Variants in PLCXD3 observed in about 807,000 individuals in gnomAD.
PLCXD3 encodes the protein PI-PLC X domain-containing protein 3.
A neutral mutation model predicts 25.5 loss-of-function variants in PLCXD3; 19 were observed. The ratio of observed to expected loss-of-function variants is 0.75; its 90% CI spans 0.52 to 1.09. The LOEUF (loss-of-function observed/expected upper bound fraction) is 1.09, where lower values mean the gene tolerates loss of function less well. Among genes scored for constraint, PLCXD3 ranks in the 50% least tolerant of loss-of-function variants. The probability of loss-of-function intolerance (pLI) is 0.00; values close to 1 mark genes in which losing one functional copy is unlikely to be tolerated. For synonymous variants in PLCXD3, 174 were observed against 137.6 expected (o/e 1.26, Z -1.85); for missense variants, 411 against 388.1 (o/e 1.06, Z -0.50).
chr5:41,383,131 A>T (rs1230786798), intron 1 of PLCXD3, among the ~76,000 whole-genome samples: 2 of 152,130 alleles, frequency 1.3e-5, no homozygotes, highest in African/African-American at 2.4e-5. Context: ...TGTTTGGGCA[A>T]TTGTAAACTT....
intron 2 of PLCXD3, among the ~76,000 whole-genome samples, chr5:41,337,537 C>G (rs75422087): frequency 0.044 from 6,633 of 152,134 alleles, 173 homozygotes; most frequent in Non-Finnish European, 0.062. Context: ...TTTTTAAAAG[C>G]CAAATTCAGA....
rs556459332 is a variant in PLCXD3, at chr5:41,310,815, C to T, written c.*2802G>A. 2 of 152,694 alleles carry T rather than the reference C, an allele frequency of 1.3e-5. No individual in the cohort carries two copies. The highest frequency in any genetic ancestry group is 6.5e-5 in the Admixed American group (1 of 15,292). The allele number at this position is 152,694 out of a possible 1,614,324, so 9.5% of individuals were successfully genotyped here. A position where few individuals can be genotyped will look rare whatever the true frequency, so the allele number is the denominator to read the frequency against. ...TTACTCTAAGTGCCTGCTACATAGG[C>T]ACTGTATGTCCACATGGAAACCATA... is the stretch of plus-strand genomic sequence containing the variant. On this transcript the variant is annotated 3_prime_UTR_variant, in exon 3 of 3. Transcript: ENST00000377801.
chr5:41,482,890 C>A (rs1448875996), intron 1 of PLCXD3, among the ~76,000 whole-genome samples: 1 of 152,176 alleles, frequency 6.6e-6, no homozygotes, highest in Non-Finnish European at 1.5e-5. Context: ...ACTTTTTCAT[C>A]TTGTAAAACT....
In PLCXD3 at chr5:41,308,050, T is replaced by C. The variant is rs1743044003; in HGVS notation, c.*5567A>G. On this transcript the variant is annotated 3_prime_UTR_variant, in exon 3 of 3. Transcript: ENST00000377801. ...ATTATCCCATCTGTATTTGAGTTCG[T>C]CCTTCAAAAAGCATTTGCAGGACCT... The C allele has an allele frequency of 6.6e-6, 1 of 152,122 alleles. No homozygotes were observed. Among genetic ancestry groups the C allele is most frequent in the Non-Finnish European group, 1.5e-5 (1 of 68,014 alleles). The allele number at this position is 152,122 out of a possible 1,614,324, so 9.4% of individuals were successfully genotyped here.
chr5:41,354,812 T>C (rs994907761), intron 2 of PLCXD3, among the ~76,000 whole-genome samples: 6 of 152,206 alleles, frequency 3.9e-5, no homozygotes, highest in Admixed American at 3.3e-4. Flanking sequence ...CTGCATAAAA[T>C]TCTTCAAATC....
rs182360912 is a variant in PLCXD3 at position 41,382,345 on chromosome 5, C to T, written c.293G>A (p.Arg98Gln). Reference protein sequence around the residue: ...LGAGIRYFDLRISTKPRDPDN... With the variant: ...LGAGIRYFDLQISTKPRDPDN... ...GGGGTCTCTGGGCTTGGTGGAAATT[C>T]GAAGATCAAAATAACGAATTCCAGC... Residue 98 changes from arginine (R) to glutamine (Q), a missense_variant, in exon 2 of 3, where the codon CGA (arginine) becomes CAA (glutamine). Physicochemically the swap from Arg to Gln is conservative, Grantham distance 43. Coordinates refer to ENST00000377801, the MANE Select transcript of PLCXD3 (RefSeq NM_001005473.3). 1.5e-5 allele frequency: 25 copies of T among 1,613,336 alleles called. No homozygotes were observed. In the Admixed American group the frequency reaches 2.3e-4, roughly 15 times the overall value.
rs141936447 is a variant in PLCXD3 at position 41,457,487 on chromosome 5, G to A, written c.103+52937C>T. On this transcript the variant is annotated intron_variant, in intron 1 of 2. Transcript: ENST00000377801. ...CCTCTCAGATGATTGGAACCCAGGA[G>A]TACACCCTTCCCCAGCATAACCTGC... Among the ~76,000 whole-genome samples, 275 of 151,958 alleles carry A rather than the reference G, an allele frequency of 1.8e-3. 2 individuals are homozygous for A. Among genetic ancestry groups the A allele is most frequent in the African/African-American group, 6.4e-3 (266 of 41,486 alleles).
chr5:41,398,213 G>A (rs944098132), intron 1 of PLCXD3, among the ~76,000 whole-genome samples: 6 of 152,194 alleles, frequency 3.9e-5, no homozygotes, highest in Admixed American at 3.9e-4. Flanking sequence ...CCCCAGTGAT[G>A]GGGAAGAGAC....
At chr5:41,451,063 G>A (rs765499735) in intron 1 of PLCXD3, among the ~76,000 whole-genome samples, 1 of 152,050 alleles carries the variant, frequency 6.6e-6, no homozygotes, top group East Asian at 1.9e-4. Context: ...AGTTTCCCCT[G>A]GTGTATGTGT....
At chr5:41,461,776 CG>C (rs1208962892) in intron 1 of PLCXD3, among the ~76,000 whole-genome samples, 1 of 151,956 alleles carries the variant, frequency 6.6e-6, no homozygotes, top group Non-Finnish European at 1.5e-5. Flanking sequence ...AGCAGTATCA[CG>C]GTCAGAACTC....
intron 1 of PLCXD3, among the ~76,000 whole-genome samples, chr5:41,440,809 C>T (rs937359039): frequency 1.3e-5 from 2 of 151,954 alleles, no homozygotes; most frequent in Non-Finnish European, 2.9e-5. Context: ...ATGAAAAGAC[C>T]CAAGCTGGAC....
At position 41,313,545 on chromosome 5, in the gene PLCXD3, GT is replaced by G. The variant is rs1743202321; in HGVS notation, c.*71del. 1 of 1,566,902 alleles carries G rather than the reference GT, an allele frequency of 6.4e-7. No individual in the cohort carries two copies. The highest frequency in any genetic ancestry group is 8.8e-7 in the Non-Finnish European group (1 of 1,139,688). On this transcript the variant is annotated 3_prime_UTR_variant, in exon 3 of 3. Transcript: ENST00000377801. ...GACTCAGTGGAATAGGAAGATCAGA[GT>G]GTTTACAGATAGTATGCCCTAATAC...
At chr5:41,432,573 C>A (rs1326700345) in intron 1 of PLCXD3, among the ~76,000 whole-genome samples, 3 of 152,146 alleles carry the variant, frequency 2.0e-5, no homozygotes, top group African/African-American at 4.8e-5. Context: ...TTAAAACTGT[C>A]TTTTCCAAAG....
intron 2 of PLCXD3, among the ~76,000 whole-genome samples, chr5:41,380,829 A>G (rs1038724267): frequency 6.6e-6 from 1 of 152,126 alleles, no homozygotes; most frequent in Non-Finnish European, 1.5e-5. Flanking sequence ...TTAATATTTT[A>G]ACTCAAAAGA....
chr5:41,309,045 T>A lies in PLCXD3; in HGVS notation c.*4572A>T, dbSNP rs369645601. 6.6e-6 allele frequency: 1 copy of A among 152,614 alleles called. No individual in the cohort carries two copies. The highest frequency in any genetic ancestry group is 6.6e-5 in the Admixed American group (1 of 15,262). 9.5% of individuals were successfully genotyped at this position (152,614 alleles called of 1,614,324 possible). On this transcript the variant is annotated 3_prime_UTR_variant, in exon 3 of 3. Transcript: ENST00000377801. Reference sequence around the variant, plus strand: ...TGCAAAAACAACAAAAAAGTGTTAATAAATTAAGGCTGGTCACAATGTGCC... The same window carrying A: ...TGCAAAAACAACAAAAAAGTGTTAAAAAATTAAGGCTGGTCACAATGTGCC...
chr5:41,327,344 G>T (rs1195438918), intron 2 of PLCXD3, among the ~76,000 whole-genome samples: 2 of 152,100 alleles, frequency 1.3e-5, no homozygotes, highest in Non-Finnish European at 2.9e-5. Context: ...GTCTAAGCTT[G>T]ACTTTATATG....
At chr5:41,418,360 C>G (rs759998655) in intron 1 of PLCXD3, among the ~76,000 whole-genome samples, 13 of 152,150 alleles carry the variant, frequency 8.5e-5, no homozygotes, top group South Asian at 2.1e-4. Context: ...CACAGACCCA[C>G]ACACCCTGGG....
At chr5:41,337,777 C>A (rs1293230482) in intron 2 of PLCXD3, among the ~76,000 whole-genome samples, 2 of 152,042 alleles carry the variant, frequency 1.3e-5, no homozygotes, top group East Asian at 1.9e-4. Flanking sequence ...AAATAATATT[C>A]ATTAAGTTGT....
intron 1 of PLCXD3, among the ~76,000 whole-genome samples, chr5:41,446,236 TG>T (rs1169039553): frequency 2.4e-5 from 3 of 123,336 alleles, no homozygotes; most frequent in Non-Finnish European, 5.1e-5. Context: ...TGGGGTTTGG[TG>T]GGGCAGGGGC....
Sources: gnomAD v4.1 joint callset for allele counts (sites outside exome capture counted in the v4.1 genomes callset) on GRCh38, gnomAD v4.1.1 for gene constraint, MANE v1.5 for transcripts, NCBI Gene and HGNC (gene_info 2026-07-23, HGNC 2026-07-21) for gene names.